The following CTNND2 variants were observed in gnomAD, a reference collection of about 807,000 sequenced individuals.
The protein encoded by CTNND2 is catenin delta 2, also known as catenin delta-2.
Under a neutral mutation model 144.4 loss-of-function variants are expected in CTNND2, and 22 were observed. That is an observed-to-expected ratio of 0.15 (90% CI 0.11 to 0.22). CTNND2 has a LOEUF of 0.22. Among genes scored for constraint, CTNND2 ranks in the 10% least tolerant of loss-of-function variants. The pLI is 1.00. For missense variants in CTNND2, 1,353 were observed against 1,618.8 expected (o/e 0.84, Z 2.82); for synonymous variants, 751 against 695.6 (o/e 1.08, Z -1.25).
At chr5:11,246,374 G>A (rs1032283668) in intron 9 of CTNND2, among the ~76,000 whole-genome samples, 14 of 152,210 alleles carry the variant, frequency 9.2e-5, no homozygotes, top group Middle Eastern at 3.4e-3. Flanking sequence ...TGGCCCCTGA[G>A]TCAAAAGAGA....
intron 1 of CTNND2, among the ~76,000 whole-genome samples, chr5:11,830,132 A>T (rs932938917): frequency 6.6e-6 from 1 of 152,294 alleles, no homozygotes; most frequent in African/African-American, 2.4e-5. Flanking sequence ...GGAAGTAACT[A>T]ACTTGCATTT....
At chr5:11,721,510 C>T (rs1421761788) in intron 2 of CTNND2, among the ~76,000 whole-genome samples, 1 of 152,126 alleles carries the variant, frequency 6.6e-6, no homozygotes, top group Non-Finnish European at 1.5e-5. Context: ...AACAAACCAC[C>T]TCAAGATTTA....
chr5:11,010,357 C>T (rs1393288727), intron 18 of CTNND2, among the ~76,000 whole-genome samples: 1 of 152,096 alleles, frequency 6.6e-6, no homozygotes, highest in Non-Finnish European at 1.5e-5. Flanking sequence ...ATATTAAAGC[C>T]CTTCAGTATT....
At chr5:11,719,133 C>T (rs556996022) in intron 2 of CTNND2, among the ~76,000 whole-genome samples, 2 of 152,118 alleles carry the variant, frequency 1.3e-5, no homozygotes, top group African/African-American at 2.4e-5. Flanking sequence ...TGTTACATAA[C>T]CAAGGCCGTT....
At chr5:11,865,277 G>T (rs66815891) in intron 1 of CTNND2, among the ~76,000 whole-genome samples, 34,257 of 152,108 alleles carry the variant, frequency 0.23, 4,153 homozygotes, top group Non-Finnish European at 0.27. Flanking sequence ...ATTCACAAAA[G>T]TTCCTTTCAG....
chr5:11,683,825 T>C (rs1252381973), intron 2 of CTNND2, among the ~76,000 whole-genome samples: 1 of 152,210 alleles, frequency 6.6e-6, no homozygotes, highest in Non-Finnish European at 1.5e-5. Flanking sequence ...GTCTTTCCAT[T>C]ATGATGACTG....
chr5:11,217,247 T>G (rs186520519), intron 10 of CTNND2, among the ~76,000 whole-genome samples: 1 of 152,234 alleles, frequency 6.6e-6, no homozygotes, highest in African/African-American at 2.4e-5. Context: ...TCATTATAAC[T>G]AGCATCTTTT....
intron 2 of CTNND2, among the ~76,000 whole-genome samples, chr5:11,619,580 T>C (rs1021806441): frequency 1.3e-5 from 2 of 152,190 alleles, no homozygotes; most frequent in Non-Finnish European, 2.9e-5. Context: ...TCAGAAGCCA[T>C]ATGCACTCTC....
intron 14 of CTNND2, among the ~76,000 whole-genome samples, chr5:11,104,622 G>A (rs556575333): frequency 2.6e-5 from 4 of 152,256 alleles, no homozygotes; most frequent in South Asian, 2.1e-4. Flanking sequence ...AAAAGCCAGC[G>A]AGAAATGATT....
At chr5:11,712,899 T>C (rs1013972785) in intron 2 of CTNND2, among the ~76,000 whole-genome samples, 3 of 152,202 alleles carry the variant, frequency 2.0e-5, no homozygotes, top group African/African-American at 7.2e-5. Flanking sequence ...AATGGGGATA[T>C]GATACTGAAC....
At chr5:11,316,761 G>A (rs528110521) in intron 9 of CTNND2, among the ~76,000 whole-genome samples, 18 of 151,478 alleles carry the variant, frequency 1.2e-4, no homozygotes, top group East Asian at 5.8e-4. Context: ...TTGTCCTTGC[G>A]ATGTTTACTA....
At chr5:11,074,574 G>C (rs1328892593) in intron 16 of CTNND2, among the ~76,000 whole-genome samples, 4 of 152,154 alleles carry the variant, frequency 2.6e-5, no homozygotes, top group African/African-American at 7.2e-5. Context: ...ATGAAGAGCA[G>C]TATTTCCAGG....
intron 2 of CTNND2, among the ~76,000 whole-genome samples, chr5:11,723,482 G>A (rs13175954): frequency 0.23 from 34,247 of 151,984 alleles, 4,787 homozygotes; most frequent in African/African-American, 0.4. Context: ...AACCATTAAA[G>A]TAAGGGAAAA....
intron 10 of CTNND2, among the ~76,000 whole-genome samples, chr5:11,229,928 G>A (rs1740816350): frequency 6.6e-6 from 1 of 151,778 alleles, no homozygotes; most frequent in South Asian, 2.1e-4. Flanking sequence ...GTACAGGCAG[G>A]AGGAACATAA....
At chr5:11,222,857 C>G (rs959076097) in intron 10 of CTNND2, among the ~76,000 whole-genome samples, 1 of 152,162 alleles carries the variant, frequency 6.6e-6, no homozygotes. Flanking sequence ...TCCTTTCCCC[C>G]TCCCCATCTC....
chr5:11,066,634 T>TA (rs1168568334), intron 16 of CTNND2, among the ~76,000 whole-genome samples: 1 of 152,204 alleles, frequency 6.6e-6, no homozygotes, highest in African/African-American at 2.4e-5. Flanking sequence ...GAGGGCTGTG[T>TA]CATGGGCCAT....
intron 2 of CTNND2, among the ~76,000 whole-genome samples, chr5:11,571,082 C>T (rs1245386011): frequency 6.6e-6 from 1 of 152,108 alleles, no homozygotes; most frequent in Admixed American, 6.5e-5. Flanking sequence ...TTTTAATTTG[C>T]ATCTGGTATT....
rs575680169 is a variant in CTNND2, at chr5:11,860,611, C to T, written c.37+43206G>A. ...ACTGCTTATAAAAATTACAAGCCAG[C>T]GGCTATTTGTTTTTATAAAAGTGCT... On this transcript the variant is annotated intron_variant, in intron 1 of 21. Transcript: ENST00000304623. Among the ~76,000 whole-genome samples the T allele has an allele frequency of 2.0e-5, 3 of 152,260 alleles. No homozygotes were observed. In the East Asian group the frequency reaches 5.8e-4, roughly 29 times the overall value.
intron 2 of CTNND2, among the ~76,000 whole-genome samples, chr5:11,619,823 G>A (rs891768254): frequency 1.3e-5 from 2 of 152,056 alleles, no homozygotes; most frequent in Non-Finnish European, 2.9e-5. Context: ...ATTAACTACT[G>A]GTGCCATCTG....
Sources: allele counts gnomAD v4.1 joint callset (sites outside exome capture counted in the v4.1 genomes callset), GRCh38; gene constraint gnomAD v4.1.1; transcripts MANE v1.5; gene names NCBI Gene and HGNC (gene_info 2026-07-23, HGNC 2026-07-21).